Variants in KANSL1L observed in about 807,000 individuals in gnomAD.
KANSL1L encodes the protein KAT8 regulatory NSL complex subunit 1-like protein.
In KANSL1L, 25 loss-of-function variants were observed where a neutral mutation model predicts 108.6. The observed-to-expected ratio is 0.23, with a 90% CI of 0.17 to 0.32. The LOEUF (loss-of-function observed/expected upper bound fraction) is 0.32, where lower values mean the gene tolerates loss of function less well. KANSL1L is among the 10% of genes least tolerant of loss of function. The pLI, the probability that KANSL1L is intolerant of heterozygous loss-of-function variation, is 1.00. For missense variants in KANSL1L, 1,137 were observed against 1,125.7 expected, an observed-to-expected ratio of 1.01 and a Z score of -0.14; for synonymous variants, 405 against 395.1, an observed-to-expected ratio of 1.03 and a Z score of -0.30.
At chr2:210,065,579 A>ATTTTTTTTTTTTTTTTTTTTTTTT (rs57999970) in intron 6 of KANSL1L, among the ~76,000 whole-genome samples, 1 of 64,908 alleles carries the variant, frequency 1.5e-5, no homozygotes. Flanking sequence ...CCTGGACATG[A>ATTTTTTTTTTTTTTTTTTTTTTTT]TTTTTTTTTT....
chr2:210,061,791 A>ATT (rs2094422609), intron 6 of KANSL1L, among the ~76,000 whole-genome samples: 3 of 152,232 alleles, frequency 2.0e-5, no homozygotes, highest in Admixed American at 2.0e-4. Context: ...AACTACGTGA[A>ATT]GTTTTAACAA....
chr2:210,028,591 T>C (rs2093970922), intron 11 of KANSL1L: 4 of 315,498 alleles, frequency 1.3e-5, no homozygotes, highest in Non-Finnish European at 2.3e-5. Context: ...TAACACTGGA[T>C]AATAATAATA....
At chr2:210,158,645 C>G (rs567079613) in intron 1 of KANSL1L, among the ~76,000 whole-genome samples, 6 of 151,276 alleles carry the variant, frequency 4.0e-5, no homozygotes, top group Non-Finnish European at 5.9e-5. Context: ...TATCATAGCT[C>G]TTATTCAGGG....
At chr2:210,129,803 T>A (rs1375188744) in intron 2 of KANSL1L, among the ~76,000 whole-genome samples, 1 of 152,112 alleles carries the variant, frequency 6.6e-6, no homozygotes, top group African/African-American at 2.4e-5. Flanking sequence ...ATTCCTAGGA[T>A]TCACAACCTA....
In KANSL1L at chr2:210,022,856, G is replaced by C; in HGVS notation, c.*93C>G. On this transcript the variant is annotated 3_prime_UTR_variant, in exon 15 of 15. Transcript: ENST00000281772. ...TAAAAGATTAATACATGCAGAACAT[G>C]CTCTTATTCTGGAGGGGATGGGGGA... 2.5e-6 allele frequency: 2 copies of C among 813,836 alleles called. No homozygotes were observed. Among genetic ancestry groups the C allele is most frequent in the Non-Finnish European group, 4.0e-6 (2 of 495,666 alleles). The allele number at this position is 813,836 out of a possible 1,614,324, so 50.4% of individuals were successfully genotyped here. A position where few individuals can be genotyped will look rare whatever the true frequency, so the allele number is the denominator to read the frequency against.
At chr2:210,028,773 A>T in intron 11 of KANSL1L, 72 bp downstream of exon 11, 1 of 1,156,672 alleles carries the variant, frequency 8.6e-7, no homozygotes, top group Non-Finnish European at 1.2e-6. Flanking sequence ...ATTAATTAAA[A>T]TTCTTCACTT....
intron 6 of KANSL1L, among the ~76,000 whole-genome samples, chr2:210,066,773 C>T (rs1025105225): frequency 7.2e-5 from 11 of 152,086 alleles, no homozygotes; most frequent in African/African-American, 2.2e-4. Flanking sequence ...ATAAATATAC[C>T]ACAATTCTGC....
At chr2:210,134,212 T>C (rs1312697881) in intron 2 of KANSL1L, among the ~76,000 whole-genome samples, 1 of 152,154 alleles carries the variant, frequency 6.6e-6, no homozygotes, top group African/African-American at 2.4e-5. Flanking sequence ...ATTTCAGATA[T>C]TTTTAGCTTC....
chr2:210,114,736 T>C (rs2094938456), intron 3 of KANSL1L, among the ~76,000 whole-genome samples: 1 of 152,058 alleles, frequency 6.6e-6, no homozygotes, highest in African/African-American at 2.4e-5. Flanking sequence ...AAAATGATTA[T>C]TAATGTATGC....
intron 5 of KANSL1L, among the ~76,000 whole-genome samples, chr2:210,089,280 T>A (rs2094669514): frequency 6.6e-6 from 1 of 152,198 alleles, no homozygotes; most frequent in Non-Finnish European, 1.5e-5. Flanking sequence ...GGGTTTGAAG[T>A]CACTAAGACA....
In KANSL1L at chr2:210,097,126, G is replaced by T. The variant is rs545396385; in HGVS notation, c.1550+960C>A. ...GCCCGGCTAATTTTTTGTATTTTTA[G>T]TAGAGACGGGGTTTCTCCATGTTGG... On this transcript the variant is annotated intron_variant, in intron 5 of 14. Transcript: ENST00000281772. 12 of 352,476 alleles carry T rather than the reference G, an allele frequency of 3.4e-5. No individual in the cohort carries two copies. The South Asian group carries it at 1.2e-3, about 34-fold the overall frequency. 21.8% of individuals were successfully genotyped at this position (352,476 alleles called of 1,614,324 possible). A position where few individuals can be genotyped will look rare whatever the true frequency, so the allele number is the denominator to read the frequency against.
At chr2:210,027,474 T>TAATA (rs2093953984) in intron 11 of KANSL1L, 124 bp from the exon 12 acceptor site, 2 of 633,160 alleles carry the variant, frequency 3.2e-6, no homozygotes, top group South Asian at 4.0e-5. Flanking sequence ...TGTTGTATTT[T>TAATA]AATACTTAAT....
chr2:210,092,740 ATTAT>A (rs962047834), intron 5 of KANSL1L, among the ~76,000 whole-genome samples: 2 of 152,086 alleles, frequency 1.3e-5, no homozygotes, highest in Non-Finnish European at 2.9e-5. Context: ...CCCTTGGCAA[ATTAT>A]TCATGAGGAT....
At chr2:210,079,700 GTATA>G (rs796956187) in intron 5 of KANSL1L, 1,996 of 75,650 alleles carry the variant, frequency 0.026, 236 homozygotes, top group East Asian at 0.078. Flanking sequence ...ATGTATGTGT[GTATA>G]TATATATATA....
rs976341770 is a variant in KANSL1L, at chr2:210,119,228, A to G, written c.1230+9803T>C. On this transcript the variant is annotated intron_variant, in intron 3 of 14. Coordinates refer to ENST00000281772, the MANE Select transcript of KANSL1L (RefSeq NM_152519.4). The stretch of plus-strand genomic sequence containing the variant: ...AAAAAAAAGAAAAGCCCAGGACCCA[A>G]TGGCTTCACTGCTGAATTTTACCAA... Among the ~76,000 whole-genome samples the G allele has an allele frequency of 5.9e-5, 9 of 152,208 alleles. No individual in the cohort carries two copies. The Middle Eastern group carries it at 0.01, about 174-fold the overall frequency.
Position 210,166,311 on chromosome 2 carries a change from C to T in KANSL1L, c.-30+4838G>A, listed in dbSNP as rs548338799. ...GTGCATGTACACAGTGAGATAATTA[C>T]CAAGTCAATAGTTACTGAGTTGGTC... is the stretch of plus-strand genomic sequence containing the variant. On this transcript the variant is annotated intron_variant, in intron 1 of 14. Coordinates refer to ENST00000281772, the MANE Select transcript of KANSL1L (RefSeq NM_152519.4). Among the ~76,000 whole-genome samples, 12 of 152,222 alleles carry T rather than the reference C, an allele frequency of 7.9e-5. No homozygotes were observed. The South Asian group carries it at 2.5e-3, about 32-fold the overall frequency.
chr2:210,029,230 A>C, intron 10 of KANSL1L: 1 of 332,544 alleles, frequency 3.0e-6, no homozygotes, highest in Non-Finnish European at 5.4e-6. Context: ...AGACCACAAA[A>C]AATAGGTCTT....
intron 5 of KANSL1L, chr2:210,096,395 A>T: frequency 4.8e-6 from 3 of 621,420 alleles, no homozygotes; most frequent in Non-Finnish European, 6.0e-6. Flanking sequence ...TTCTGTCTTC[A>T]TATTTGTGTC....
chr2:210,103,746 A>T (rs1189426236), intron 4 of KANSL1L, among the ~76,000 whole-genome samples: 1 of 152,196 alleles, frequency 6.6e-6, no homozygotes. Context: ...TCAATAAATT[A>T]GTCAAACAAC....
Sources: allele counts gnomAD v4.1 joint callset (sites outside exome capture counted in the v4.1 genomes callset), GRCh38; gene constraint gnomAD v4.1.1; transcripts MANE v1.5; gene names NCBI Gene and HGNC (gene_info 2026-07-23, HGNC 2026-07-21).